The following CLVS1 variants were observed in gnomAD, a reference collection of about 807,000 sequenced individuals.
The protein encoded by CLVS1 is clavesin 1.
Under a neutral mutation model 33.1 loss-of-function variants are expected in CLVS1, and 10 were observed. The observed-to-expected ratio is 0.30, with a 90% CI of 0.19 to 0.51. CLVS1 has a LOEUF of 0.51. Ranked by LOEUF, CLVS1 falls within the 20% of genes least tolerant of loss-of-function variation. The pLI, the probability that CLVS1 is intolerant of heterozygous loss-of-function variation, is 0.97. For missense variants in CLVS1, 343 were observed against 433.4 expected (o/e 0.79, Z 1.85); for synonymous variants, 163 against 166.1 (o/e 0.98, Z 0.14).
intron 2 of CLVS1, chr8:61,202,343 G>T: frequency 1.4e-6 from 1 of 729,298 alleles, no homozygotes; most frequent in South Asian, 1.5e-5. Context: ...AGTGCGTGCT[G>T]CCTCCCGATG....
chr8:61,017,291 T>G, the CLVS1 span, among the ~76,000 whole-genome samples: 3 of 152,274 alleles, frequency 2.0e-5, no homozygotes, highest in Non-Finnish European at 4.4e-5. Flanking sequence ...CATGTGTCTC[T>G]GATTCGGTTG....
chr8:61,122,357 A>C (rs1385016849), intron 1 of CLVS1, among the ~76,000 whole-genome samples: 1 of 152,182 alleles, frequency 6.6e-6, no homozygotes, highest in Non-Finnish European at 1.5e-5. Context: ...TTCAAGCCTC[A>C]TACTCAGGAT....
intron 5 of CLVS1, among the ~76,000 whole-genome samples, 194 bp from the exon 6 acceptor site, chr8:61,499,260 CA>C (rs1246476582): frequency 6.6e-6 from 1 of 152,192 alleles, no homozygotes; most frequent in Non-Finnish European, 1.5e-5. Flanking sequence ...ACTGCAGCCT[CA>C]AACTCCTGGA....
At chr8:61,332,477 G>A (rs1417412758) in intron 2 of CLVS1, among the ~76,000 whole-genome samples, 7 of 152,040 alleles carry the variant, frequency 4.6e-5, no homozygotes, top group African/African-American at 1.2e-4. Context: ...GGACTGTTAC[G>A]ACAGTGACTA....
intron 2 of CLVS1, among the ~76,000 whole-genome samples, chr8:61,326,103 AAT>A (rs757880753): frequency 5.9e-5 from 9 of 152,130 alleles, no homozygotes; most frequent in Non-Finnish European, 8.8e-5. Context: ...AGCTTTTACT[AAT>A]AGTCTTTTCA....
chr8:61,194,394 G>A (rs1339572498), intron 2 of CLVS1, among the ~76,000 whole-genome samples: 2 of 151,886 alleles, frequency 1.3e-5, no homozygotes, highest in Admixed American at 6.6e-5. Flanking sequence ...AAAAAACCCT[G>A]GCATTATTTT....
At chr8:61,492,808 C>T (rs550758748) in intron 5 of CLVS1, among the ~76,000 whole-genome samples, 96 of 152,216 alleles carry the variant, frequency 6.3e-4, no homozygotes, top group African/African-American at 2.2e-3. Context: ...AGATTTGCTG[C>T]TTAGGCTTCT....
At chr8:61,018,140 C>T in the CLVS1 span, among the ~76,000 whole-genome samples, 1 of 152,124 alleles carries the variant, frequency 6.6e-6, no homozygotes, top group Non-Finnish European at 1.5e-5. Context: ...CTAACGTATG[C>T]ATTATCACCC....
At chr8:61,399,429 G>A (rs1427865528) in intron 3 of CLVS1, among the ~76,000 whole-genome samples, 1 of 152,040 alleles carries the variant, frequency 6.6e-6, no homozygotes, top group African/African-American at 2.4e-5. Context: ...TAAGTTCCTT[G>A]TAAATGCTGG....
chr8:61,027,303 C>T, the CLVS1 span, among the ~76,000 whole-genome samples: 36 of 152,216 alleles, frequency 2.4e-4, no homozygotes, highest in African/African-American at 6.5e-4. Context: ...AAACTATTCT[C>T]GCCCTGTGTT....
chr8:61,026,097 G>A, the CLVS1 span, among the ~76,000 whole-genome samples: 2 of 150,170 alleles, frequency 1.3e-5, no homozygotes, highest in African/African-American at 4.9e-5. Flanking sequence ...GAATGAGACT[G>A]TGTTTGGAGA....
At chr8:61,017,973 G>A in the CLVS1 span, among the ~76,000 whole-genome samples, 1 of 152,182 alleles carries the variant, frequency 6.6e-6, no homozygotes, top group Non-Finnish European at 1.5e-5. Context: ...TGTGTTCAAT[G>A]TTTTATGCTC....
At chr8:61,084,235 C>G (rs1585597568) in intron 1 of CLVS1, among the ~76,000 whole-genome samples, 1 of 152,246 alleles carries the variant, frequency 6.6e-6, no homozygotes, top group South Asian at 2.1e-4. Context: ...TCTATTTTAG[C>G]ACTGAAAATT....
chr8:60,973,934 A>G, the CLVS1 span, among the ~76,000 whole-genome samples: 1 of 152,178 alleles, frequency 6.6e-6, no homozygotes, highest in Non-Finnish European at 1.5e-5. Flanking sequence ...TGCCCACTGT[A>G]ACAAGATGAT....
At chr8:61,223,503 G>A (rs1409948348) in intron 2 of CLVS1, among the ~76,000 whole-genome samples, 3 of 152,118 alleles carry the variant, frequency 2.0e-5, no homozygotes, top group Admixed American at 2.0e-4. Context: ...TCGAATATTG[G>A]CCCTCACTCT....
At position 61,131,381 on chromosome 8, in the gene CLVS1, G is replaced by A. The variant is rs150099826; in HGVS notation, c.-242-389G>A. Among the ~76,000 whole-genome samples, 190 of 152,298 alleles carry A rather than the reference G, an allele frequency of 1.2e-3. 1 individual carries two copies. Among genetic ancestry groups the A allele is most frequent in the Non-Finnish European group, 2.3e-3 (156 of 68,022 alleles). The stretch of plus-strand genomic sequence containing the variant: ...TAATGCACATATATGAAGAGTTTGC[G>A]GAGTCAATTGGCAAATTATATGAAC... On this transcript the variant is annotated intron_variant, in intron 1 of 2. Transcript: ENST00000522621.
intron 2 of CLVS1, among the ~76,000 whole-genome samples, chr8:61,153,027 G>A (rs1411849648): frequency 6.6e-6 from 1 of 152,108 alleles, no homozygotes; most frequent in Non-Finnish European, 1.5e-5. Context: ...AATTAGCTGG[G>A]CATGGTGGCA....
the CLVS1 span, among the ~76,000 whole-genome samples, chr8:60,977,725 A>G: frequency 6.6e-6 from 1 of 152,212 alleles, no homozygotes; most frequent in Admixed American, 6.5e-5. Flanking sequence ...GGATTTCCAG[A>G]TGTAGAAGAA....
intron 2 of CLVS1, among the ~76,000 whole-genome samples, chr8:61,139,283 C>T (rs1412223266): frequency 6.6e-6 from 1 of 152,238 alleles, no homozygotes; most frequent in Non-Finnish European, 1.5e-5. Flanking sequence ...AGGACCCCAG[C>T]TCCGTGGCGG....
Sources: gnomAD v4.1 joint callset for allele counts (sites outside exome capture counted in the v4.1 genomes callset) on GRCh38, gnomAD v4.1.1 for gene constraint, MANE v1.5 for transcripts, NCBI Gene and HGNC (gene_info 2026-07-23, HGNC 2026-07-21) for gene names.